Variants in KSR1 observed in about 807,000 individuals in gnomAD.
KSR1 encodes the protein kinase suppressor of ras.
In KSR1, 35 loss-of-function variants were observed where a neutral mutation model predicts 92.9. The observed-to-expected ratio is 0.38, with a 90% CI of 0.29 to 0.50. The LOEUF (loss-of-function observed/expected upper bound fraction) is 0.50. KSR1 is among the 20% of genes least tolerant of loss of function. KSR1 has a pLI of 0.94. For missense variants in KSR1, 972 were observed against 1,158.5 expected (o/e 0.84, Z 2.34); for synonymous variants, 467 against 472.6 (o/e 0.99, Z 0.15).
intron 1 of KSR1, among the ~76,000 whole-genome samples, chr17:27,466,760 G>A (rs1295955176): frequency 6.6e-6 from 1 of 152,170 alleles, no homozygotes; most frequent in Non-Finnish European, 1.5e-5. Flanking sequence ...TTGAAAGGAG[G>A]AGCTCTTTCT....
intron 1 of KSR1, among the ~76,000 whole-genome samples, chr17:27,511,925 C>T (rs1335601462): frequency 1.3e-5 from 2 of 152,252 alleles, no homozygotes; most frequent in African/African-American, 4.8e-5. Flanking sequence ...TGTAAGCTTG[C>T]TCATCAGGGA....
chr17:27,550,364 C>T (rs1411805286), intron 1 of KSR1, among the ~76,000 whole-genome samples: 2 of 152,196 alleles, frequency 1.3e-5, no homozygotes. Flanking sequence ...GGGCAGGGGG[C>T]TCATGGGTGG....
intron 20 of KSR1, chr17:27,622,035 C>A: frequency 9.6e-7 from 1 of 1,037,864 alleles, no homozygotes; most frequent in Non-Finnish European, 1.5e-6. Flanking sequence ...GGGCACTAAC[C>A]CAGGGGATGC....
chr17:27,615,317 AGTAGACT>A (rs1346507980), intron 18 of KSR1, among the ~76,000 whole-genome samples: 1 of 152,224 alleles, frequency 6.6e-6, no homozygotes, highest in East Asian at 1.9e-4. Context: ...ACACTACTAT[AGTAGACT>A]GTAAGTGGTA....
chr17:27,483,482 G>A (rs975095963), intron 1 of KSR1, among the ~76,000 whole-genome samples: 2 of 151,842 alleles, frequency 1.3e-5, no homozygotes, highest in Non-Finnish European at 2.9e-5. Flanking sequence ...AGCTACTCAG[G>A]AGGCTGAGGC....
At chr17:27,553,363 G>A (rs950328653) in intron 2 of KSR1, among the ~76,000 whole-genome samples, 1 of 152,236 alleles carries the variant, frequency 6.6e-6, no homozygotes, top group African/African-American at 2.4e-5. Context: ...GGAAGGCTGG[G>A]AATGGCTGAC....
At chr17:27,596,366 G>A (rs2073345886) in intron 9 of KSR1, among the ~76,000 whole-genome samples, 2 of 152,222 alleles carry the variant, frequency 1.3e-5, no homozygotes, top group Non-Finnish European at 2.9e-5. Flanking sequence ...AGCATCCTCT[G>A]TGTTGTGTCC....
At chr17:27,585,951 C>CA in intron 5 of KSR1, 1 of 427,558 alleles carries the variant, frequency 2.3e-6, no homozygotes, top group Non-Finnish European at 4.3e-6. Context: ...CTTGCCCTTC[C>CA]CCACCGAGAC....
intron 2 of KSR1, among the ~76,000 whole-genome samples, chr17:27,573,543 T>C (rs1030215315): frequency 2.0e-5 from 3 of 152,264 alleles, no homozygotes; most frequent in African/African-American, 7.2e-5. Context: ...GTTCGAATCT[T>C]GTTCAAATAA....
intron 1 of KSR1, among the ~76,000 whole-genome samples, chr17:27,491,323 G>A (rs1156717129): frequency 8.0e-6 from 1 of 125,504 alleles, no homozygotes; most frequent in African/African-American, 2.7e-5. Flanking sequence ...GTGTGTGTGT[G>A]TGTGTGTGTG....
intron 18 of KSR1, among the ~76,000 whole-genome samples, chr17:27,615,419 C>G (rs987764257): frequency 2.0e-5 from 3 of 152,250 alleles, no homozygotes; most frequent in African/African-American, 7.2e-5. Context: ...CAAAGGCTCA[C>G]AATTTTGTTG....
chr17:27,490,853 C>T (rs2068800786), intron 1 of KSR1, among the ~76,000 whole-genome samples: 2 of 152,098 alleles, frequency 1.3e-5, no homozygotes, highest in African/African-American at 4.8e-5. Flanking sequence ...CAAGGTTGTT[C>T]ATTGTGTAAA....
chr17:27,569,889 G>A (rs1196325087), intron 2 of KSR1, among the ~76,000 whole-genome samples: 7 of 152,222 alleles, frequency 4.6e-5, no homozygotes, highest in South Asian at 2.1e-4. Context: ...GCCTTTCCAC[G>A]CTGATAGGGA....
At chr17:27,602,944 C>T (rs1441301810) in intron 11 of KSR1, among the ~76,000 whole-genome samples, 1 of 152,228 alleles carries the variant, frequency 6.6e-6, no homozygotes, top group Non-Finnish European at 1.5e-5. Context: ...AGAAGAAGGT[C>T]GAGGGAGGTC....
intron 2 of KSR1, among the ~76,000 whole-genome samples, chr17:27,575,450 G>A (rs2072469345): frequency 6.6e-6 from 1 of 152,178 alleles, no homozygotes; most frequent in Admixed American, 6.5e-5. Flanking sequence ...GAGCAGTGAG[G>A]AAGACCAGAG....
Position 27,516,949 on chromosome 17 carries a change from G to A in KSR1, c.232-33619G>A, listed in dbSNP as rs545688008. On this transcript the variant is annotated intron_variant, in intron 1 of 20. Transcript: ENST00000644974. Reference sequence around the variant, plus strand: ...GATACCAAATTCCAACCTGACTCTAGTATAACATCTTAACATCACATGACA... The same window carrying A: ...GATACCAAATTCCAACCTGACTCTAATATAACATCTTAACATCACATGACA... Among the ~76,000 whole-genome samples, 4 of 152,284 alleles carry A rather than the reference G, an allele frequency of 2.6e-5. No homozygotes were observed. In the South Asian group the frequency reaches 8.3e-4, roughly 32 times the overall value.
At chr17:27,514,704 T>G (rs1303855440) in intron 1 of KSR1, among the ~76,000 whole-genome samples, 1 of 149,890 alleles carries the variant, frequency 6.7e-6, no homozygotes, top group East Asian at 2.0e-4. Context: ...ACACTGGAAG[T>G]AAGGGATTAT....
intron 1 of KSR1, among the ~76,000 whole-genome samples, chr17:27,466,405 A>C (rs1280348036): frequency 6.6e-6 from 1 of 152,194 alleles, no homozygotes; most frequent in Non-Finnish European, 1.5e-5. Context: ...GTATCACTGA[A>C]TCCTTCTAAC....
chr17:27,623,073 G>T (rs536130856), intron 20 of KSR1: 5 of 582,900 alleles, frequency 8.6e-6, no homozygotes, highest in East Asian at 5.9e-5. Context: ...CATGCTGGGA[G>T]CTTGGGACTT....
Sources: gnomAD v4.1 joint callset for allele counts (sites outside exome capture counted in the v4.1 genomes callset) on GRCh38, gnomAD v4.1.1 for gene constraint, MANE v1.5 for transcripts, NCBI Gene and HGNC (gene_info 2026-07-23, HGNC 2026-07-21) for gene names.